CD200R1: variants seen among roughly 807,000 people sequenced by gnomAD.
The protein encoded by CD200R1 is cell surface glycoprotein CD200 receptor 1.
CD200R1 carries 30 observed loss-of-function variants against 38.1 expected under a neutral mutation model. The ratio of observed to expected loss-of-function variants is 0.79; its 90% CI spans 0.59 to 1.07. The LOEUF (loss-of-function observed/expected upper bound fraction) is 1.07. Among genes scored for constraint, CD200R1 ranks in the 50% least tolerant of loss-of-function variants. The pLI is 0.00. For synonymous variants in CD200R1, 128 were observed against 152.1 expected (o/e 0.84, Z 1.16); for missense variants, 372 against 415.4 (o/e 0.90, Z 0.91).
At chr3:112,954,505 A>G (rs1220893286) in intron 1 of CD200R1, among the ~76,000 whole-genome samples, 2 of 152,120 alleles carry the variant, frequency 1.3e-5, no homozygotes, top group African/African-American at 4.8e-5. Context: ...GGTCACTGGG[A>G]AGACCAAGGC....
chr3:112,932,521 C>G (rs73853991), intron 2 of CD200R1, among the ~76,000 whole-genome samples: 11,245 of 151,948 alleles, frequency 0.074, 662 homozygotes, highest in African/African-American at 0.14. Context: ...TCCTCCCCAA[C>G]AAACATGGCC....
Position 112,929,326 on chromosome 3 carries a change from T to C in CD200R1, c.384A>G (p.Ile128Met). ...TKETNCTDER[I>M]TWVSRPDQNS... ...TCTGATCAGGTCTGGAGACCCAGGT[T>C]ATTCTCTCATCAGTACAGTTGGTTT... Residue 128 changes from isoleucine to methionine, a missense_variant, in exon 4 of 8, where the codon ATA becomes ATG. Ile to Met is a conservative substitution (Grantham distance 10). Transcript: ENST00000308611. The C allele has an allele frequency of 1.9e-6, 3 of 1,614,168 alleles. No homozygotes were observed. Among genetic ancestry groups the C allele is most frequent in the Non-Finnish European group, 2.5e-6 (3 of 1,179,994 alleles).
At chr3:112,966,667 C>A (rs562974927) in intron 1 of CD200R1, among the ~76,000 whole-genome samples, 1 of 152,154 alleles carries the variant, frequency 6.6e-6, no homozygotes, top group South Asian at 2.1e-4. Context: ...TACATAAACA[C>A]ATACTGGTTG....
In CD200R1 at chr3:112,928,604, G is replaced by C. The variant is rs545059346; in HGVS notation, c.769+212C>G. ...ACTAGCATAGAAGTGAACATTAATA[G>C]TAGAATTAAACTGCATTCTAAAAAA... On this transcript the variant is annotated intron_variant, in intron 5 of 7. Transcript: ENST00000308611. Among the ~76,000 whole-genome samples the C allele has an allele frequency of 1.1e-4, 17 of 152,224 alleles. 1 individual carries two copies. In the South Asian group the frequency reaches 3.5e-3, roughly 32 times the overall value.
chr3:112,933,440 T>C (rs1940502546), intron 2 of CD200R1, among the ~76,000 whole-genome samples: 1 of 152,164 alleles, frequency 6.6e-6, no homozygotes, highest in Non-Finnish European at 1.5e-5. Context: ...ACCTAGGTCA[T>C]AGGGACACTT....
intron 2 of CD200R1, among the ~76,000 whole-genome samples, chr3:112,939,060 A>G (rs1235280468): frequency 6.6e-6 from 1 of 152,026 alleles, no homozygotes; most frequent in Non-Finnish European, 1.5e-5. Context: ...AAAGCATTTT[A>G]TAAAATTCAA....
chr3:112,922,001 C>T lies in CD200R1; in HGVS notation c.*1676G>A, dbSNP rs2107296835. ...ACAGTGTAATGATGTCTATTGTGAA[C>T]ATTGCTTGGTAATATTTATATGCAG... On this transcript the variant is annotated 3_prime_UTR_variant, in exon 8 of 8. Coordinates refer to ENST00000308611, the MANE Select transcript of CD200R1 (RefSeq NM_138806.4). 2 of 152,070 alleles carry T rather than the reference C, an allele frequency of 1.3e-5. No individual in the cohort carries two copies. The highest frequency in any genetic ancestry group is 4.8e-5 in the African/African-American group (2 of 41,528). 9.4% of individuals were successfully genotyped at this position (152,070 alleles called of 1,614,324 possible).
At chr3:112,931,936 G>A (rs7611690) in intron 2 of CD200R1, among the ~76,000 whole-genome samples, 87,590 of 151,748 alleles carry the variant, frequency 0.58, 25,672 homozygotes, top group African/African-American at 0.68. Context: ...ATTGGCCCAG[G>A]CTCAGGAGGG....
At chr3:112,958,472 G>A (rs1576149819) in intron 1 of CD200R1, among the ~76,000 whole-genome samples, 1 of 152,114 alleles carries the variant, frequency 6.6e-6, no homozygotes, top group African/African-American at 2.4e-5. Context: ...CCGCAAATGA[G>A]GATGAAGGAA....
chr3:112,965,698 T>C (rs778708134), intron 1 of CD200R1, among the ~76,000 whole-genome samples: 2 of 151,782 alleles, frequency 1.3e-5, no homozygotes, highest in Non-Finnish European at 2.9e-5. Context: ...GAGGCAGAGG[T>C]TGCAGTTAGC....
intron 1 of CD200R1, among the ~76,000 whole-genome samples, chr3:112,964,809 A>G (rs1051635099): frequency 4.6e-5 from 7 of 152,154 alleles, no homozygotes; most frequent in Non-Finnish European, 1.0e-4. Flanking sequence ...GCAGAATGAT[A>G]TGGTTTGGCT....
In CD200R1 at chr3:112,921,801, C is replaced by G. The variant is rs914860948; in HGVS notation, c.*1876G>C. On this transcript the variant is annotated 3_prime_UTR_variant, in exon 8 of 8. Transcript: ENST00000308611. The stretch of plus-strand genomic sequence containing the variant: ...ATATAATTTAACTTCTATAAATTAT[C>G]TTGAAGTCTTTTCTATGATGTCATT... The G allele has an allele frequency of 2.0e-5, 3 of 151,988 alleles. No individual in the cohort carries two copies. The highest frequency in any genetic ancestry group is 7.2e-5 in the African/African-American group (3 of 41,410). 9.4% of individuals were successfully genotyped at this position (151,988 alleles called of 1,614,324 possible).
chr3:112,954,430 C>CA (rs1941040188), intron 1 of CD200R1, among the ~76,000 whole-genome samples: 2 of 152,124 alleles, frequency 1.3e-5, no homozygotes, highest in Non-Finnish European at 2.9e-5. Context: ...TTAAAGTCTC[C>CA]AAAGTGATGT....
At chr3:112,966,479 CT>C (rs1318056457) in intron 1 of CD200R1, among the ~76,000 whole-genome samples, 1 of 152,090 alleles carries the variant, frequency 6.6e-6, no homozygotes, top group African/African-American at 2.4e-5. Context: ...TATTGGGGAT[CT>C]GTAAACATTT....
intron 3 of CD200R1, among the ~76,000 whole-genome samples, chr3:112,930,073 T>C (rs996529266): frequency 6.6e-6 from 1 of 151,812 alleles, no homozygotes; most frequent in Admixed American, 6.6e-5. Context: ...TTAAGTTCTT[T>C]TTTTTAAAAA....
At chr3:112,926,002 A>T (rs1001359472) in intron 5 of CD200R1, among the ~76,000 whole-genome samples, 2 of 152,002 alleles carry the variant, frequency 1.3e-5, no homozygotes, top group Non-Finnish European at 2.9e-5. Context: ...TTGGTGGTGA[A>T]TTCCTACCAC....
intron 1 of CD200R1, among the ~76,000 whole-genome samples, chr3:112,961,311 G>A (rs570096332): frequency 7.9e-5 from 12 of 152,056 alleles, no homozygotes; most frequent in Non-Finnish European, 1.8e-4. Context: ...ACTATTATAA[G>A]AACTAGCTAG....
chr3:112,969,477 T>A (rs76649066), intron 1 of CD200R1, among the ~76,000 whole-genome samples: 4,319 of 152,294 alleles, frequency 0.028, 192 homozygotes, highest in East Asian at 0.21. Context: ...GGACATAGTA[T>A]GTGCCACCAA....
intron 1 of CD200R1, among the ~76,000 whole-genome samples, chr3:112,954,453 C>T (rs780351850): frequency 5.3e-5 from 8 of 152,164 alleles, no homozygotes; most frequent in Non-Finnish European, 8.8e-5. Context: ...TTTGTGTATG[C>T]TCATTAGTTG....
Sources: gnomAD v4.1 joint callset for allele counts (sites outside exome capture counted in the v4.1 genomes callset) on GRCh38, gnomAD v4.1.1 for gene constraint, MANE v1.5 for transcripts, NCBI Gene and HGNC (gene_info 2026-07-23, HGNC 2026-07-21) for gene names.